The following PRKCZ variants were observed in gnomAD, a reference collection of about 807,000 sequenced individuals.
PRKCZ encodes protein kinase C zeta type.
In PRKCZ, 33 loss-of-function variants were observed where a neutral mutation model predicts 79.5. The observed-to-expected ratio is 0.41, with a 90% CI of 0.31 to 0.55. PRKCZ has a LOEUF of 0.55. Ranked by LOEUF, PRKCZ falls within the 20% of genes least tolerant of loss-of-function variation. The probability of loss-of-function intolerance (pLI) is 0.19; values close to 1 mark genes in which losing one functional copy is unlikely to be tolerated. For synonymous variants in PRKCZ, 342 were observed against 320.9 expected (o/e 1.07, Z -0.70); for missense variants, 578 against 813.5 (o/e 0.71, Z 3.52).
chr1:2,087,594 G>T (rs192329124), intron 4 of PRKCZ, among the ~76,000 whole-genome samples: 2 of 152,220 alleles, frequency 1.3e-5, no homozygotes, highest in East Asian at 3.9e-4. Context: ...TGCATTAATT[G>T]GGTTGTATCC....
At chr1:2,131,288 G>C (rs192801204) in intron 4 of PRKCZ, among the ~76,000 whole-genome samples, 141 of 152,262 alleles carry the variant, frequency 9.3e-4, no homozygotes, top group Non-Finnish European at 1.7e-3. Context: ...TGCAGGCTCA[G>C]AGCTCTTTGT....
chr1:2,052,865 G>A (rs1314447866), intron 1 of PRKCZ, among the ~76,000 whole-genome samples: 2 of 152,156 alleles, frequency 1.3e-5, no homozygotes, highest in African/African-American at 4.8e-5. Context: ...AAAAGGAAGA[G>A]CACTTCAGTC....
At chr1:2,157,153 G>A (rs568760058) in intron 10 of PRKCZ, among the ~76,000 whole-genome samples, 1 of 152,226 alleles carries the variant, frequency 6.6e-6, no homozygotes, top group East Asian at 1.9e-4. Flanking sequence ...TCAGGGAAAC[G>A]CAGCCTTCCT....
In PRKCZ at chr1:2,055,514, C is replaced by G. The variant is rs370842263; in HGVS notation, c.145C>G (p.Arg49Gly). ...CTGTGAGGAAGTGAGAGACATGTGT[C>G]GTCTGCACCAGCAGCACCCGCTCAC... ...ELCEEVRDMC[R>G]LHQQHPLTLK... is the part of the protein sequence containing the mutation. The change falls in exon 2 of 18, where the codon CGT becomes GGT. Residue 49 changes from arginine to glycine, a missense_variant. This residue lies in a region of PRKCZ where 228 missense variants were observed against 211.6 expected (regional missense o/e 1.08). Coordinates refer to ENST00000378567, the MANE Select transcript of PRKCZ (RefSeq NM_002744.6). The G allele has an allele frequency of 6.2e-7, 1 of 1,614,094 alleles. No homozygotes were observed. The highest frequency in any genetic ancestry group is 2.2e-5 in the East Asian group (1 of 44,882).
intron 4 of PRKCZ, among the ~76,000 whole-genome samples, chr1:2,105,544 C>T (rs1271508742): frequency 2.0e-5 from 3 of 152,176 alleles, no homozygotes; most frequent in Non-Finnish European, 4.4e-5. Flanking sequence ...GGATTACAGG[C>T]ACCTGCCACC....
Position 2,113,211 on chromosome 1 carries a change from G to A in PRKCZ, c.335-22051G>A, listed in dbSNP as rs989118431. Among the ~76,000 whole-genome samples the A allele has an allele frequency of 9.9e-5, 15 of 152,246 alleles. 2 individuals are homozygous for A. The highest frequency in any genetic ancestry group is 9.8e-4 in the Admixed American group (15 of 15,292). ...GACTAGCGAGTACCTCGATTCATGAGTATGTTTTTTAATGTAAGGTTTTAA... is the reference window on the plus strand; with the variant it reads ...GACTAGCGAGTACCTCGATTCATGAATATGTTTTTTAATGTAAGGTTTTAA... On this transcript the variant is annotated intron_variant, in intron 4 of 17. Transcript: ENST00000378567.
Position 2,173,359 on chromosome 1 carries a change from A to G in PRKCZ, c.1286-538A>G, listed in dbSNP as rs1684838165. On this transcript the variant is annotated intron_variant, in intron 13 of 17. Coordinates refer to ENST00000378567, the MANE Select transcript of PRKCZ (RefSeq NM_002744.6). This position sits in a 1 kb window ranked among gnomAD's most constrained non-coding sequence, Gnocchi z 5.7. ...CCGTGTGGGACAGCGGCAGCGTCTC[A>G]CCTCAGCAGGGACCAGGGGGACTTC... Among the ~76,000 whole-genome samples, 1 of 152,002 alleles carries G rather than the reference A, an allele frequency of 6.6e-6. No individual in the cohort carries two copies. Among genetic ancestry groups the G allele is most frequent in the Non-Finnish European group, 1.5e-5 (1 of 67,998 alleles).
At chr1:2,162,045 G>T (rs1243149450) in intron 10 of PRKCZ, among the ~76,000 whole-genome samples, 1 of 152,132 alleles carries the variant, frequency 6.6e-6, no homozygotes, top group African/African-American at 2.4e-5. Flanking sequence ...AGACAGTTTT[G>T]CCTCGTTTTT....
intron 4 of PRKCZ, among the ~76,000 whole-genome samples, chr1:2,133,336 C>T (rs901299974): frequency 3.3e-5 from 5 of 151,544 alleles, no homozygotes; most frequent in African/African-American, 1.2e-4. Context: ...CGGCTCCGCC[C>T]CCAGTTGCTC....
chr1:2,064,202 A>G (rs1660938579), intron 4 of PRKCZ, among the ~76,000 whole-genome samples: 1 of 152,112 alleles, frequency 6.6e-6, no homozygotes, highest in Admixed American at 6.5e-5. Flanking sequence ...TCCTGTGTCC[A>G]TTTTTGAATG....
At position 2,082,102 on chromosome 1, in the gene PRKCZ, G is replaced by C. The variant is rs150416136; in HGVS notation, c.334+22511G>C. 2.2e-5 allele frequency: 7 copies of C among 312,856 alleles called. No individual in the cohort carries two copies. In the East Asian group the frequency reaches 6.3e-4, roughly 28 times the overall value. 19.4% of individuals were successfully genotyped at this position (312,856 alleles called of 1,614,324 possible). A position where few individuals can be genotyped will look rare whatever the true frequency, so the allele number is the denominator to read the frequency against. On this transcript the variant is annotated intron_variant, in intron 4 of 17. Coordinates refer to ENST00000378567, the MANE Select transcript of PRKCZ (RefSeq NM_002744.6). The surrounding 1 kb of genome is among the most constrained non-coding windows in gnomAD (Gnocchi z 4.4). Reference sequence around the variant, plus strand: ...CACCACACAGTCGTGCCAAGAAGGCGCCTAAGTGTCTTTCCACACGGCCAT... The same window carrying C: ...CACCACACAGTCGTGCCAAGAAGGCCCCTAAGTGTCTTTCCACACGGCCAT...
intron 9 of PRKCZ, among the ~76,000 whole-genome samples, chr1:2,153,932 GT>G (rs1680409835): frequency 6.6e-6 from 1 of 152,204 alleles, no homozygotes; most frequent in Non-Finnish European, 1.5e-5. Flanking sequence ...CTTGCCTCTT[GT>G]TCCCCCAGGA....
chr1:2,050,988 GC>G, intron 1 of PRKCZ: 1 of 336,146 alleles, frequency 3.0e-6, no homozygotes, highest in Non-Finnish European at 5.4e-6. Context: ...GGAAAGTTGG[GC>G]GGGGACGTTC....
intron 4 of PRKCZ, among the ~76,000 whole-genome samples, chr1:2,108,570 C>T (rs1199764815): frequency 6.6e-6 from 1 of 152,246 alleles, no homozygotes; most frequent in Non-Finnish European, 1.5e-5. Context: ...GTGGAGACAT[C>T]GCCAGCCTCC....
At chr1:2,100,073 C>G (rs1015427798) in intron 4 of PRKCZ, among the ~76,000 whole-genome samples, 4 of 152,150 alleles carry the variant, frequency 2.6e-5, no homozygotes, top group African/African-American at 9.7e-5. Context: ...CAGCCATTCC[C>G]CAGGTCTTGC....
At chr1:2,138,430 G>A (rs376480809) in intron 5 of PRKCZ, among the ~76,000 whole-genome samples, 7 of 152,156 alleles carry the variant, frequency 4.6e-5, no homozygotes, top group Admixed American at 6.5e-5. Context: ...GGATGGTGCC[G>A]GGGGTGGCAG....
intron 4 of PRKCZ, among the ~76,000 whole-genome samples, chr1:2,062,777 C>T (rs1036410461): frequency 4.6e-5 from 7 of 151,988 alleles, no homozygotes; most frequent in Admixed American, 6.5e-5. Context: ...TGTGAGCCAC[C>T]GAGCCTGTCC....
At chr1:2,053,463 C>G (rs190121775) in intron 1 of PRKCZ, among the ~76,000 whole-genome samples, 2 of 152,174 alleles carry the variant, frequency 1.3e-5, no homozygotes, top group Non-Finnish European at 2.9e-5. Flanking sequence ...GGTGCTGAGG[C>G]CAACAGAGAC....
Position 2,185,141 on chromosome 1 carries a change from A to G in PRKCZ, c.*132A>G, listed in dbSNP as rs766549970. 5 of 895,568 alleles carry G rather than the reference A, an allele frequency of 5.6e-6. No homozygotes were observed. Among genetic ancestry groups the G allele is most frequent in the Non-Finnish European group, 8.8e-6 (5 of 569,492 alleles). The allele number at this position is 895,568 out of a possible 1,614,324, so 55.5% of individuals were successfully genotyped here. ...ACAGACGCTTGCGCCGAGACCGCAG[A>G]GGGAAGCGTCAGCGGGCGCTGCTGG... On this transcript the variant is annotated 3_prime_UTR_variant, in exon 18 of 18. Transcript: ENST00000378567.
Sources: gnomAD v4.1 joint callset for allele counts (sites outside exome capture counted in the v4.1 genomes callset) on GRCh38, gnomAD v4.1.1 for gene constraint, gnomAD v4.1.1 regional missense constraint, Gnocchi (gnomAD v3.1) non-coding constraint, MANE v1.5 for transcripts, NCBI Gene and HGNC (gene_info 2026-07-23, HGNC 2026-07-21) for gene names.